TLE7: variants seen among roughly 807,000 people sequenced by gnomAD.
The protein encoded by TLE7 is transducin-like enhancer protein 7.
In TLE7 at chr16:71,435,811, G is replaced by A. The variant is rs543433370; in HGVS notation, c.-96-2391C>T. Among the ~76,000 whole-genome samples the A allele has an allele frequency of 3.3e-4, 50 of 152,274 alleles. 1 individual carries two copies. The South Asian group carries it at 8.7e-3, about 27-fold the overall frequency. On this transcript the variant is annotated intron_variant, in intron 1 of 9. Transcript: ENST00000561754. ...ATTTAACGCACTCTCCTTGACTTGC[G>A]TCAGGCTCCTCTAATTGGAGACACC... is the stretch of plus-strand genomic sequence containing the variant.
chr16:71,437,517 G>T (rs1436171493), intron 1 of TLE7, among the ~76,000 whole-genome samples: 3 of 151,300 alleles, frequency 2.0e-5, no homozygotes, highest in Non-Finnish European at 4.4e-5. Context: ...CATGGGTGGG[G>T]CCCAAGACTG....
At chr16:71,435,597 G>A (rs1412059579) in intron 1 of TLE7, among the ~76,000 whole-genome samples, 1 of 152,238 alleles carries the variant, frequency 6.6e-6, no homozygotes, top group Non-Finnish European at 1.5e-5. Context: ...ATTAGAAACA[G>A]TGGTTGCCTT....
Position 71,431,286 on chromosome 16 carries a change from A to T in TLE7, c.994-12T>A. The T allele has an allele frequency of 2.5e-6, 1 of 399,410 alleles. No homozygotes were observed. Among genetic ancestry groups the T allele is most frequent in the Non-Finnish European group, 4.4e-6 (1 of 226,242 alleles). 24.7% of individuals were successfully genotyped at this position (399,410 alleles called of 1,614,324 possible). A position where few individuals can be genotyped will look rare whatever the true frequency, so the allele number is the denominator to read the frequency against. Reference sequence around the variant, plus strand: ...GTAATGCTGAGGATCTGTTCGTGGAAGCAGGTTTGAGGTCAGCACTCAAAG... The same window carrying T: ...GTAATGCTGAGGATCTGTTCGTGGATGCAGGTTTGAGGTCAGCACTCAAAG... On this transcript the variant is annotated splice_polypyrimidine_tract_variant and intron_variant, in intron 7 of 9. Coordinates refer to ENST00000561754, the MANE Select transcript of TLE7 (RefSeq NM_001367365.2). This position sits in a 1 kb window ranked among gnomAD's most constrained non-coding sequence, Gnocchi z 4.5.
rs7203200 is a variant in TLE7, at chr16:71,431,710, T to A, written c.851+51A>T. On this transcript the variant is annotated intron_variant, in intron 6 of 9. Coordinates refer to ENST00000561754, the MANE Select transcript of TLE7 (RefSeq NM_001367365.2). The surrounding 1 kb of genome is among the most constrained non-coding windows in gnomAD (Gnocchi z 4.5). ...ATGCAAAGAGGGGAAAGAGCCTCAC[T>A]GGCAAGCCCTCCCCCAGGTACACCT... The A allele has an allele frequency of 1.0e-5, 4 of 400,184 alleles. No individual in the cohort carries two copies. Among genetic ancestry groups the A allele is most frequent in the Admixed American group, 4.4e-5 (1 of 22,708 alleles). The allele number at this position is 400,184 out of a possible 1,614,324, so 24.8% of individuals were successfully genotyped here.
At chr16:71,433,817 G>A (rs1203901826) in intron 1 of TLE7, among the ~76,000 whole-genome samples, 1 of 152,130 alleles carries the variant, frequency 6.6e-6, no homozygotes, top group African/African-American at 2.4e-5. Flanking sequence ...AATTAGCCGG[G>A]CATGATGGCA....
chr16:71,430,290 C>T lies in TLE7; in HGVS notation c.1298G>A (p.Ser433Asn). The change falls in exon 10 of 10, where the codon AGT becomes AAT. Residue 433 changes from serine to asparagine, a missense_variant. Physicochemically the swap from Ser to Asn is conservative, Grantham distance 46. Coordinates refer to ENST00000561754, the MANE Select transcript of TLE7 (RefSeq NM_001367365.2). ...ATACAAGAGCTGGTAGATGGTGGCACTGCTGCTAGAGCCCATGACCAGATA... is the reference window on the plus strand; with the variant it reads ...ATACAAGAGCTGGTAGATGGTGGCATTGCTGCTAGAGCCCATGACCAGATA... ...NQYLVMGSSS[S>N]ATIYQLLY The T allele has an allele frequency of 2.5e-6, 1 of 398,702 alleles. No homozygotes were observed. Among genetic ancestry groups the T allele is most frequent in the Non-Finnish European group, 4.4e-6 (1 of 226,134 alleles). 24.7% of individuals were successfully genotyped at this position (398,702 alleles called of 1,614,324 possible).
At chr16:71,437,870 C>A (rs1006005160) in intron 1 of TLE7, among the ~76,000 whole-genome samples, 1 of 152,300 alleles carries the variant, frequency 6.6e-6, no homozygotes, top group South Asian at 2.1e-4. Context: ...CTGTCTCTCC[C>A]TTCTCCCCTC....
intron 1 of TLE7, among the ~76,000 whole-genome samples, chr16:71,434,599 C>T (rs1160897590): frequency 6.6e-6 from 1 of 152,182 alleles, no homozygotes; most frequent in Non-Finnish European, 1.5e-5. Flanking sequence ...AGTTTTACTT[C>T]TCTGTGTGTT....
rs34367166 is a variant in TLE7, at chr16:71,439,479, G to C, written c.-97+2490C>G. 2.2e-3 allele frequency among the ~76,000 whole-genome samples: 329 copies of C among 152,192 alleles called. 1 individual carries two copies. Among genetic ancestry groups the C allele is most frequent in the Non-Finnish European group, 3.1e-3 (211 of 68,012 alleles). ...CCTCCTTTCCAGAGAGAGTTGGAAG[G>C]CATTTGGGGGTGGTTCTGAGCTGGG... is the stretch of plus-strand genomic sequence containing the variant. On this transcript the variant is annotated intron_variant, in intron 1 of 9. Transcript: ENST00000561754.
intron 9 of TLE7, 68 bp downstream of exon 9, chr16:71,430,600 C>A: frequency 2.5e-6 from 1 of 398,110 alleles, no homozygotes; most frequent in South Asian, 1.3e-4. Flanking sequence ...CACTGGAATC[C>A]AACCAACTGG....
At chr16:71,435,316 C>T (rs1044105898) in intron 1 of TLE7, among the ~76,000 whole-genome samples, 1 of 152,120 alleles carries the variant, frequency 6.6e-6, no homozygotes, top group African/African-American at 2.4e-5. Context: ...GAGGCTGAGG[C>T]AGGAGAATTG....
chr16:71,432,515 G>A, intron 4 of TLE7, 150 bp downstream of exon 4: 4 of 397,826 alleles, frequency 1.0e-5, no homozygotes, highest in African/African-American at 2.1e-5. Flanking sequence ...TACTTCTCAG[G>A]ATGGGGGAAC....
At position 71,432,698 on chromosome 16, in the gene TLE7, G is replaced by A. The variant is rs991158240; in HGVS notation, c.360C>T (p.Pro120=). ...EVGQPYSSSS[P]SEEVLSLLRA... is the part of the protein sequence containing the mutation. ...TGAGCAATGAGAGGACTTCTTCACT[G>A]GGAGAGGAAGAAGAGTAAGGCTGGC... The change falls in exon 4 of 10, where the codon CCC becomes CCT. Residue 120 remains proline (P), a synonymous_variant. Transcript: ENST00000561754. The A allele has an allele frequency of 1.8e-5, 7 of 398,584 alleles. No homozygotes were observed. The highest frequency in any genetic ancestry group is 4.4e-5 in the Admixed American group (1 of 22,716). 24.7% of individuals were successfully genotyped at this position (398,584 alleles called of 1,614,324 possible).
rs1163048136 is a variant in TLE7, at chr16:71,429,998, A to C, written c.*264T>G. 6.6e-6 allele frequency among the ~76,000 whole-genome samples: 1 copy of C among 152,184 alleles called. No homozygotes were observed. Among genetic ancestry groups the C allele is most frequent in the African/African-American group, 2.4e-5 (1 of 41,438 alleles). On this transcript the variant is annotated 3_prime_UTR_variant, in exon 10 of 10. Coordinates refer to ENST00000561754, the MANE Select transcript of TLE7 (RefSeq NM_001367365.2). ...AAGCCACTTTGCTTTCTGCTTTGCTATTTTATTCATTACAAAGGGATCTCA... is the reference window on the plus strand; with the variant it reads ...AAGCCACTTTGCTTTCTGCTTTGCTCTTTTATTCATTACAAAGGGATCTCA...
intron 3 of TLE7, 73 bp downstream of exon 3, chr16:71,432,797 A>T: frequency 2.5e-6 from 1 of 399,026 alleles, no homozygotes; most frequent in East Asian, 3.6e-5. Flanking sequence ...TGTTGACACC[A>T]GGCCCCCGTT....
At chr16:71,439,085 G>A (rs1427236309) in intron 1 of TLE7, among the ~76,000 whole-genome samples, 1 of 152,232 alleles carries the variant, frequency 6.6e-6, no homozygotes, top group Non-Finnish European at 1.5e-5. Flanking sequence ...CTGAGGAGAT[G>A]AGGCTGGGCC....
At chr16:71,435,319 G>A (rs1045472972) in intron 1 of TLE7, among the ~76,000 whole-genome samples, 1 of 152,164 alleles carries the variant, frequency 6.6e-6, no homozygotes, top group Admixed American at 6.5e-5. Context: ...GCTGAGGCAG[G>A]AGAATTGCTT....
At chr16:71,441,481 A>G (rs1294699115) in intron 1 of TLE7, among the ~76,000 whole-genome samples, 2 of 152,090 alleles carry the variant, frequency 1.3e-5, no homozygotes, top group African/African-American at 4.8e-5. Flanking sequence ...CTGCCCCAGG[A>G]CTCCGGCCGT....
intron 1 of TLE7, among the ~76,000 whole-genome samples, chr16:71,435,281 C>T (rs2042821908): frequency 6.6e-6 from 1 of 152,044 alleles, no homozygotes; most frequent in Non-Finnish European, 1.5e-5. Context: ...TGTGGTGCCA[C>T]GCACCTGTAA....
Sources: allele counts gnomAD v4.1 joint callset (sites outside exome capture counted in the v4.1 genomes callset), GRCh38; gene constraint gnomAD v4.1.1; non-coding constraint Gnocchi (gnomAD v3.1); transcripts MANE v1.5; gene names NCBI Gene and HGNC (gene_info 2026-07-23, HGNC 2026-07-21).